LRRC74A: variants seen among roughly 807,000 people sequenced by gnomAD.
LRRC74A encodes the protein leucine-rich repeat-containing protein 74A.
LRRC74A carries 44 observed loss-of-function variants against 57.9 expected under a neutral mutation model. The observed-to-expected ratio is 0.76, with a 90% CI of 0.60 to 0.98. The LOEUF (loss-of-function observed/expected upper bound fraction) is 0.98. LRRC74A is among the 50% of genes least tolerant of loss of function. The pLI is 0.00. For synonymous variants in LRRC74A, 211 were observed against 219.4 expected (o/e 0.96, Z 0.34); for missense variants, 572 against 574.0 (o/e 1.00, Z 0.04).
At chr14:76,861,795 G>A (rs910594675) in intron 11 of LRRC74A, among the ~76,000 whole-genome samples, 4 of 152,210 alleles carry the variant, frequency 2.6e-5, no homozygotes, top group Admixed American at 6.5e-5. Context: ...GCTGCTGGCC[G>A]CAGAGCGGTT....
chr14:76,850,592 T>A (rs1260555339), intron 7 of LRRC74A, among the ~76,000 whole-genome samples: 2 of 151,854 alleles, frequency 1.3e-5, no homozygotes, highest in African/African-American at 4.8e-5. Flanking sequence ...AATAGGCCCG[T>A]GCAGTGGCTC....
chr14:76,842,716 G>A (rs1417379632), intron 5 of LRRC74A, among the ~76,000 whole-genome samples: 2 of 145,216 alleles, frequency 1.4e-5, no homozygotes, highest in African/African-American at 5.2e-5. Flanking sequence ...CCTGTTATGT[G>A]CCAAGCACTA....
intron 3 of LRRC74A, among the ~76,000 whole-genome samples, chr14:76,834,100 TTC>T (rs1363067153): frequency 6.6e-6 from 1 of 152,220 alleles, no homozygotes; most frequent in African/African-American, 2.4e-5. Flanking sequence ...AACACACTCA[TTC>T]TTTCTTAAAC....
chr14:76,850,054 T>A (rs1249898762), intron 7 of LRRC74A, among the ~76,000 whole-genome samples: 1 of 150,470 alleles, frequency 6.6e-6, no homozygotes, highest in Non-Finnish European at 1.5e-5. Flanking sequence ...TAAAAATACA[T>A]AAAATTAGCC....
chr14:76,832,547 A>G (rs937262705), intron 3 of LRRC74A, among the ~76,000 whole-genome samples: 4 of 152,166 alleles, frequency 2.6e-5, no homozygotes, highest in Non-Finnish European at 5.9e-5. Flanking sequence ...GGCTCAGGTG[A>G]TCCACCCACC....
At chr14:76,868,806 A>T (rs1899171895) in intron 13 of LRRC74A, among the ~76,000 whole-genome samples, 1 of 152,250 alleles carries the variant, frequency 6.6e-6, no homozygotes, top group Admixed American at 6.5e-5. Context: ...CAAGAAAGGC[A>T]GCCAGACCCA....
intron 7 of LRRC74A, among the ~76,000 whole-genome samples, chr14:76,850,035 C>T (rs543417080): frequency 1.1e-3 from 170 of 151,758 alleles, no homozygotes; most frequent in Non-Finnish European, 2.2e-3. Flanking sequence ...GGTGAAACCC[C>T]GTCTCTACTA....
intron 5 of LRRC74A, among the ~76,000 whole-genome samples, chr14:76,841,598 T>G (rs1360799753): frequency 6.6e-6 from 1 of 152,176 alleles, no homozygotes; most frequent in African/African-American, 2.4e-5. Context: ...GGGGTTCCAT[T>G]TAATATTCTA....
intron 2 of LRRC74A, among the ~76,000 whole-genome samples, chr14:76,829,326 ACCTC>A (rs1461199377): frequency 6.6e-6 from 1 of 151,830 alleles, no homozygotes; most frequent in Non-Finnish European, 1.5e-5. Context: ...CAGTTTATAA[ACCTC>A]CCCACCATGG....
chr14:76,841,700 CT>C (rs916002154), intron 5 of LRRC74A, among the ~76,000 whole-genome samples: 19 of 125,328 alleles, frequency 1.5e-4, no homozygotes, highest in African/African-American at 4.2e-4. Flanking sequence ...TTTTTATATT[CT>C]TTTTTTTTCT....
Position 76,865,037 on chromosome 14 carries a change from G to A in LRRC74A, c.1201-931G>A, listed in dbSNP as rs79910992. Among the ~76,000 whole-genome samples, 13 of 152,188 alleles carry A rather than the reference G, an allele frequency of 8.5e-5. No homozygotes were observed. In the East Asian group the frequency reaches 2.3e-3, roughly 27 times the overall value. ...AGATAGATAGTTAAAAAGATAAAAG[G>A]GTCCACACCAAGATGTTACCTCTGT... is the stretch of plus-strand genomic sequence containing the variant. On this transcript the variant is annotated intron_variant, in intron 11 of 13. Transcript: ENST00000689127.
At chr14:76,858,221 G>C (rs962693346) in intron 10 of LRRC74A, among the ~76,000 whole-genome samples, 3 of 152,210 alleles carry the variant, frequency 2.0e-5, no homozygotes, top group African/African-American at 7.2e-5. Context: ...AGAAGTCCAA[G>C]AGTAAGGTGT....
chr14:76,828,649 C>T, intron 2 of LRRC74A: 2 of 668,530 alleles, frequency 3.0e-6, no homozygotes, highest in Non-Finnish European at 5.4e-6. Context: ...GAGCAGTGCC[C>T]TCACGTCGTC....
chr14:76,836,426 C>T, intron 4 of LRRC74A, 112 bp downstream of exon 4: 2 of 670,822 alleles, frequency 3.0e-6, no homozygotes, highest in African/African-American at 1.8e-5. Context: ...CTCCTGCCCG[C>T]CCCTGCCCTT....
chr14:76,836,891 G>A (rs8006607), intron 4 of LRRC74A, among the ~76,000 whole-genome samples: 45,069 of 150,034 alleles, frequency 0.3, 7,321 homozygotes, highest in East Asian at 0.52. Context: ...CTGTAATCCC[G>A]ACACTTTGGG....
At chr14:76,853,147 C>A in intron 8 of LRRC74A, 69 bp from the exon 9 acceptor site, 2 of 1,443,062 alleles carry the variant, frequency 1.4e-6, no homozygotes, top group South Asian at 1.2e-5. Context: ...GGGTAGAAAT[C>A]GGGACCCTTT....
chr14:76,870,036 C>A lies in LRRC74A; in HGVS notation c.1392-89C>A, dbSNP rs557509088. The A allele has an allele frequency of 3.6e-5, 52 of 1,441,704 alleles. No homozygotes were observed. In the African/African-American group the frequency reaches 5.9e-4, roughly 16 times the overall value. The allele number at this position is 1,441,704 out of a possible 1,614,324, so 89.3% of individuals were successfully genotyped here. ...CAGAGATGGGTTTACAAATGGTCTC[C>A]TTTGGATTTAAGCCTGTCTTAACAT... On this transcript the variant is annotated intron_variant, in intron 13 of 13. Transcript: ENST00000689127.
intron 10 of LRRC74A, among the ~76,000 whole-genome samples, chr14:76,857,739 T>C (rs1041120346): frequency 1.3e-5 from 2 of 152,150 alleles, no homozygotes; most frequent in East Asian, 1.9e-4. Flanking sequence ...AGAGTAGAGA[T>C]AAGAAAATGC....
At chr14:76,844,516 T>C (rs373630285) in intron 6 of LRRC74A, 44 bp downstream of exon 6, 2 of 1,585,908 alleles carry the variant, frequency 1.3e-6, no homozygotes, top group Non-Finnish European at 1.7e-6. Flanking sequence ...GCGATGTCCC[T>C]GGGAGATCTG....
Sources: allele counts gnomAD v4.1 joint callset (sites outside exome capture counted in the v4.1 genomes callset), GRCh38; gene constraint gnomAD v4.1.1; transcripts MANE v1.5; gene names NCBI Gene and HGNC (gene_info 2026-07-23, HGNC 2026-07-21).